PARP12: variants seen among roughly 807,000 people sequenced by gnomAD.
PARP12 encodes protein mono-ADP-ribosyltransferase PARP12.
A neutral mutation model predicts 72.4 loss-of-function variants in PARP12; 59 were observed. That is an observed-to-expected ratio of 0.81 (90% CI 0.66 to 1.01). The LOEUF (loss-of-function observed/expected upper bound fraction) is 1.01, where lower values mean the gene tolerates loss of function less well. Ranked by LOEUF, PARP12 falls within the 50% of genes least tolerant of loss-of-function variation. The probability of loss-of-function intolerance (pLI) is 0.00; values close to 1 mark genes in which losing one functional copy is unlikely to be tolerated. For missense variants in PARP12, 851 were observed against 914.0 expected, an observed-to-expected ratio of 0.93 and a Z score of 0.89; for synonymous variants, 403 against 371.4, an observed-to-expected ratio of 1.09 and a Z score of -0.98.
intron 11 of PARP12, chr7:140,025,725 G>C: frequency 3.2e-6 from 1 of 316,782 alleles, no homozygotes; most frequent in South Asian, 2.7e-5. Flanking sequence ...GATTTCCAAA[G>C]AAATAGTATT....
At chr7:140,028,974 G>C (rs1815839168) in intron 8 of PARP12, 1 of 236,334 alleles carries the variant, frequency 4.2e-6, no homozygotes, top group Non-Finnish European at 8.4e-6. Context: ...ATGGTTAAAG[G>C]AGCACACACA....
At chr7:140,025,544 T>A in intron 11 of PARP12, 1 of 455,224 alleles carries the variant, frequency 2.2e-6, no homozygotes, top group Non-Finnish European at 4.4e-6. Flanking sequence ...GTTCTTGGGA[T>A]GTGTTAAAGG....
rs73160831 is a variant in PARP12, at chr7:140,033,457, G to A, written c.1421+778C>T. 1.4e-3 allele frequency: 1,357 copies of A among 985,344 alleles called. 3 individuals carry two copies. Among genetic ancestry groups the A allele is most frequent in the Non-Finnish European group, 1.5e-3 (1,273 of 829,886 alleles). The allele number at this position is 985,344 out of a possible 1,614,324, so 61.0% of individuals were successfully genotyped here. Reference sequence around the variant, plus strand: ...CCAGCTACCAGTAACACTGCCTAAAGTCCCAGCACTGGCTCTGGCAAGCCC... The same window carrying A: ...CCAGCTACCAGTAACACTGCCTAAAATCCCAGCACTGGCTCTGGCAAGCCC... On this transcript the variant is annotated intron_variant, in intron 8 of 11. Coordinates refer to ENST00000263549, the MANE Select transcript of PARP12 (RefSeq NM_022750.4).
At chr7:140,027,168 C>A in intron 10 of PARP12, 108 bp downstream of exon 10, 3 of 1,432,286 alleles carry the variant, frequency 2.1e-6, no homozygotes, top group Non-Finnish European at 2.9e-6. Flanking sequence ...CACATGGCAG[C>A]CCTAACTGCC....
chr7:140,031,034 TAGG>T (rs1815922650), intron 8 of PARP12, among the ~76,000 whole-genome samples: 1 of 152,150 alleles, frequency 6.6e-6, no homozygotes, highest in Non-Finnish European at 1.5e-5. Flanking sequence ...GAAGAAAAGA[TAGG>T]AGGGCAAAGA....
chr7:140,058,436 G>A (rs180711704), intron 1 of PARP12, among the ~76,000 whole-genome samples: 5 of 151,586 alleles, frequency 3.3e-5, no homozygotes, highest in Non-Finnish European at 4.4e-5. Flanking sequence ...GCATGAACCC[G>A]AGAGGCGGAG....
At chr7:140,034,458 G>T in intron 7 of PARP12, 127 bp from the exon 8 acceptor site, 1 of 772,666 alleles carries the variant, frequency 1.3e-6, no homozygotes, top group Non-Finnish European at 2.0e-6. Flanking sequence ...CCCAGAATCA[G>T]TCTGTTAAAA....
chr7:140,028,204 A>G (rs1387942830), intron 9 of PARP12, among the ~76,000 whole-genome samples: 1 of 152,208 alleles, frequency 6.6e-6, no homozygotes, highest in Non-Finnish European at 1.5e-5. Context: ...CCTGTCTGCT[A>G]GTCGTGAATG....
At chr7:140,029,503 T>C (rs1815859178) in intron 8 of PARP12, among the ~76,000 whole-genome samples, 1 of 152,136 alleles carries the variant, frequency 6.6e-6, no homozygotes, top group Non-Finnish European at 1.5e-5. Context: ...CACAAATAAC[T>C]TTCCTGGGAA....
intron 8 of PARP12, among the ~76,000 whole-genome samples, chr7:140,032,179 C>T (rs1440922368): frequency 6.6e-6 from 1 of 152,030 alleles, no homozygotes; most frequent in African/African-American, 2.4e-5. Context: ...GTCCACTGAC[C>T]CATCTTTACC....
chr7:140,024,742 C>T lies in PARP12; in HGVS notation c.1924G>A (p.Gly642Ser). ...CTATCATAGAAGGCGTTGCTCCAGC[C>T]CTCCTTGGCCGGCGGACGGACAAAG... ...ASFVRPPAKE[G>S]WSNAFYDSCV... Residue 642 changes from glycine to serine, a missense_variant, in exon 12 of 12, where the codon GGC (glycine) becomes AGC (serine). By Grantham distance (56) the Gly-to-Ser change is moderately conservative (BLOSUM62 0). This residue lies in a region of PARP12 where 347 missense variants were observed against 396.1 expected (regional missense o/e 0.88). Transcript: ENST00000263549. 6.2e-7 allele frequency: 1 copy of T among 1,614,188 alleles called. No individual in the cohort carries two copies. Among genetic ancestry groups the T allele is most frequent in the Non-Finnish European group, 8.5e-7 (1 of 1,180,030 alleles).
At chr7:140,036,020 A>G (rs866090673) in intron 7 of PARP12, among the ~76,000 whole-genome samples, 435 of 25,876 alleles carry the variant, frequency 0.017, 25 homozygotes, top group African/African-American at 0.031. Flanking sequence ...GAAGGAGGAG[A>G]AGGAGGAGAA....
intron 1 of PARP12, among the ~76,000 whole-genome samples, chr7:140,058,890 G>A (rs957409482): frequency 1.3e-5 from 2 of 152,120 alleles, no homozygotes; most frequent in African/African-American, 4.8e-5. Context: ...GAGGTCGGGA[G>A]TTCGAGACTA....
chr7:140,055,117 G>A lies in PARP12; in HGVS notation c.761-354C>T, dbSNP rs985917927. 2.0e-5 allele frequency among the ~76,000 whole-genome samples: 3 copies of A among 152,196 alleles called. No individual in the cohort carries two copies. The East Asian group carries it at 5.8e-4, about 29-fold the overall frequency. Reference sequence around the variant, plus strand: ...ACTGAATCAGAACCTCCAGGGGTGGGACTTGGGACACTTTTGTAATAAGGG... The same window carrying A: ...ACTGAATCAGAACCTCCAGGGGTGGAACTTGGGACACTTTTGTAATAAGGG... On this transcript the variant is annotated intron_variant, in intron 3 of 11. Coordinates refer to ENST00000263549, the MANE Select transcript of PARP12 (RefSeq NM_022750.4).
At chr7:140,031,280 G>T (rs1815929797) in intron 8 of PARP12, among the ~76,000 whole-genome samples, 1 of 152,108 alleles carries the variant, frequency 6.6e-6, no homozygotes, top group Non-Finnish European at 1.5e-5. Flanking sequence ...TGCTGAGGTG[G>T]GAGGATTGCT....
Position 140,054,647 on chromosome 7 carries a change from C to T in PARP12, c.862+15G>A, listed in dbSNP as rs368283393. ...CCCTCCCACAAGTGGAATGAAGGAG[C>T]CTCTTCCAACTTACCTTGAAAGCTA... is the stretch of plus-strand genomic sequence containing the variant. On this transcript the variant is annotated intron_variant, in intron 4 of 11. Coordinates refer to ENST00000263549, the MANE Select transcript of PARP12 (RefSeq NM_022750.4). The T allele has an allele frequency of 1.1e-4, 175 of 1,581,472 alleles. No homozygotes were observed. Among genetic ancestry groups the T allele is most frequent in the African/African-American group, 2.6e-4 (19 of 74,292 alleles).
chr7:140,027,496 C>T (rs774338607), intron 9 of PARP12, 90 bp from the exon 10 acceptor site: 18 of 1,498,032 alleles, frequency 1.2e-5, no homozygotes, highest in East Asian at 2.4e-5. Flanking sequence ...ACACTAGAAC[C>T]GCAGAAGCAC....
chr7:140,047,310 T>C (rs1343009911), intron 4 of PARP12, among the ~76,000 whole-genome samples: 1 of 152,142 alleles, frequency 6.6e-6, no homozygotes. Context: ...CATAGATAAA[T>C]GGATTAATGG....
chr7:140,059,391 C>A (rs1817348258), intron 1 of PARP12, among the ~76,000 whole-genome samples: 1 of 138,588 alleles, frequency 7.2e-6, no homozygotes, highest in African/African-American at 3.0e-5. Flanking sequence ...CACACAGAGC[C>A]CTGAACCTAG....
Sources: gnomAD v4.1 joint callset for allele counts (sites outside exome capture counted in the v4.1 genomes callset) on GRCh38, gnomAD v4.1.1 for gene constraint, gnomAD v4.1.1 regional missense constraint, MANE v1.5 for transcripts, NCBI Gene and HGNC (gene_info 2026-07-23, HGNC 2026-07-21) for gene names.